DLG5: variants seen among roughly 807,000 people sequenced by gnomAD.
DLG5 encodes the protein discs large MAGUK scaffold protein 5.
In DLG5, 48 loss-of-function variants were observed where a neutral mutation model predicts 189.8. The ratio of observed to expected loss-of-function variants is 0.25; its 90% confidence interval spans 0.20 to 0.32. The LOEUF is 0.32. Ranked by LOEUF, DLG5 falls within the 10% of genes least tolerant of loss-of-function variation. DLG5 has a pLI of 1.00. For synonymous variants in DLG5, 1,016 were observed against 1,054.1 expected, an observed-to-expected ratio of 0.96 and a Z score of 0.70; for missense variants, 2,160 against 2,544.7, an observed-to-expected ratio of 0.85 and a Z score of 3.25.
At chr10:77,898,723 C>T (rs926343005) in intron 1 of DLG5, among the ~76,000 whole-genome samples, 1 of 152,374 alleles carries the variant, frequency 6.6e-6, no homozygotes, top group African/African-American at 2.4e-5. Context: ...CCCCTGCCCC[C>T]TCCATGGCCT....
chr10:77,809,819 G>T, intron 23 of DLG5, 89 bp from the exon 24 acceptor site: 1 of 1,446,782 alleles, frequency 6.9e-7, no homozygotes, highest in Non-Finnish European at 9.4e-7. Context: ...ACCGCTTTCT[G>T]CCTGCTTCTT....
chr10:77,843,361 T>A (rs1045929984), intron 6 of DLG5, 86 bp downstream of exon 6: 1 of 1,479,516 alleles, frequency 6.8e-7, no homozygotes, highest in Non-Finnish European at 9.1e-7. Context: ...AAAAGCACAA[T>A]AACTCATGCT....
intron 1 of DLG5, among the ~76,000 whole-genome samples, chr10:77,911,322 T>A (rs1320975247): frequency 6.6e-6 from 1 of 152,182 alleles, no homozygotes; most frequent in Non-Finnish European, 1.5e-5. Context: ...GGTCTCCCTA[T>A]GTTGCTCAGG....
chr10:77,917,971 T>G (rs1324647568), intron 1 of DLG5, among the ~76,000 whole-genome samples: 1 of 149,976 alleles, frequency 6.7e-6, no homozygotes, highest in Non-Finnish European at 1.5e-5. Flanking sequence ...TGAGCCGAGA[T>G]CATGCCATTG....
intron 1 of DLG5, among the ~76,000 whole-genome samples, chr10:77,897,309 C>T (rs1845790567): frequency 6.6e-6 from 1 of 151,582 alleles, no homozygotes; most frequent in Admixed American, 6.6e-5. Flanking sequence ...TGAGTGGAGA[C>T]TGCGCCACTG....
At chr10:77,851,046 G>A (rs538012685) in intron 5 of DLG5, among the ~76,000 whole-genome samples, 2 of 152,332 alleles carry the variant, frequency 1.3e-5, no homozygotes, top group African/African-American at 4.8e-5. Context: ...CAGGGTGTAG[G>A]TAAAGGCCGG....
intron 12 of DLG5, 82 bp from the exon 13 acceptor site, chr10:77,829,067 C>G: frequency 6.9e-7 from 1 of 1,444,088 alleles, no homozygotes; most frequent in Middle Eastern, 2.2e-4. Context: ...TTGTTACCAT[C>G]TTCTTACAAA....
intron 1 of DLG5, among the ~76,000 whole-genome samples, chr10:77,870,527 A>T (rs1344909217): frequency 6.6e-6 from 1 of 152,178 alleles, no homozygotes; most frequent in Non-Finnish European, 1.5e-5. Flanking sequence ...TATAAAAAAT[A>T]CAAAAAATTA....
rs777987925 is a variant in DLG5, at chr10:77,842,184, C to G, written c.1134G>C (p.Ala378=). 3.7e-6 allele frequency: 6 copies of G among 1,600,508 alleles called. No individual in the cohort carries two copies. The African/African-American group carries it at 8.0e-5, about 21-fold the overall frequency. ...TGGCCTTGTTCAGCTCATGGTGGAT[C>G]GCCTCAAACCTGGCAAGAGAGGTGG... ...QCALSLRRFE[A]IHHELNKATA... The change falls in exon 7 of 32, where the codon GCG becomes GCC. Residue 378 remains alanine (A), a synonymous_variant. Coordinates refer to ENST00000372391, the MANE Select transcript of DLG5 (RefSeq NM_004747.4).
intron 1 of DLG5, among the ~76,000 whole-genome samples, chr10:77,887,875 A>ACAGCAG (rs1391466008): frequency 2.0e-5 from 3 of 152,236 alleles, no homozygotes; most frequent in African/African-American, 7.2e-5. Context: ...GTGTGTGCTC[A>ACAGCAG]CAGCAGCAGC....
the DLG5 span, among the ~76,000 whole-genome samples, chr10:77,933,893 G>A: frequency 4.6e-5 from 7 of 151,362 alleles, no homozygotes; most frequent in South Asian, 2.1e-4. Context: ...TTTAAAATAC[G>A]GAGAGTAGGC....
chr10:77,869,100 C>A (rs755103031), intron 2 of DLG5, 29 bp downstream of exon 2: 4 of 1,606,500 alleles, frequency 2.5e-6, no homozygotes, highest in Non-Finnish European at 2.6e-6. Flanking sequence ...CTGGCCCACC[C>A]GGTGTCCTCC....
Position 77,828,872 on chromosome 10 carries a change from T to C in DLG5, c.2289+10A>G, listed in dbSNP as rs377287200. The C allele has an allele frequency of 1.8e-4, 284 of 1,611,382 alleles. No individual in the cohort carries two copies. The highest frequency in any genetic ancestry group is 5.2e-4 in the Admixed American group (31 of 59,948). On this transcript the variant is annotated intron_variant, in intron 13 of 31. Transcript: ENST00000372391. The stretch of plus-strand genomic sequence containing the variant: ...CGGCAGATGACCCTGGCTCCAGCCT[T>C]GAGACTTACCGCAACGATCCTGTCT...
At chr10:77,889,242 G>A (rs1845536076) in intron 1 of DLG5, among the ~76,000 whole-genome samples, 1 of 151,480 alleles carries the variant, frequency 6.6e-6, no homozygotes, top group Non-Finnish European at 1.5e-5. Flanking sequence ...TAACCTCCCA[G>A]GCCTCTGCCA....
At chr10:77,804,427 A>G (rs1175962331) in intron 27 of DLG5, among the ~76,000 whole-genome samples, 1 of 152,244 alleles carries the variant, frequency 6.6e-6, no homozygotes, top group Non-Finnish European at 1.5e-5. Flanking sequence ...ACAGTGGGCC[A>G]TGAACTACAG....
At chr10:77,852,567 C>A (rs111503264) in intron 5 of DLG5, among the ~76,000 whole-genome samples, 166 of 152,046 alleles carry the variant, frequency 1.1e-3, no homozygotes, top group African/African-American at 3.6e-3. Flanking sequence ...AGGTGCCCAC[C>A]ACCACGCCCG....
At chr10:77,858,948 C>T (rs1487702536) in intron 2 of DLG5, among the ~76,000 whole-genome samples, 3 of 152,172 alleles carry the variant, frequency 2.0e-5, no homozygotes, top group African/African-American at 4.8e-5. Context: ...TCTCAGCTCA[C>T]TATAACCTCT....
intron 5 of DLG5, among the ~76,000 whole-genome samples, chr10:77,850,334 T>A (rs1307248781): frequency 6.6e-6 from 1 of 152,238 alleles, no homozygotes; most frequent in Non-Finnish European, 1.5e-5. Flanking sequence ...TCATTGGCTG[T>A]CATGTTTTTG....
At chr10:77,908,348 C>T (rs1423970742) in intron 1 of DLG5, among the ~76,000 whole-genome samples, 1 of 152,092 alleles carries the variant, frequency 6.6e-6, no homozygotes, top group African/African-American at 2.4e-5. Context: ...TCCTCACCTA[C>T]CCACCTGCGG....
Sources: allele counts gnomAD v4.1 joint callset (sites outside exome capture counted in the v4.1 genomes callset), GRCh38; gene constraint gnomAD v4.1.1; transcripts MANE v1.5; gene names NCBI Gene and HGNC (gene_info 2026-07-23, HGNC 2026-07-21).